ANO5: variants seen among roughly 807,000 people sequenced by gnomAD.
ANO5 encodes the protein anoctamin-5.
A neutral mutation model predicts 121.0 loss-of-function variants in ANO5; 109 were observed. The observed-to-expected ratio is 0.90, with a 90% CI of 0.77 to 1.06. The LOEUF is 1.06. Among genes scored for constraint, ANO5 ranks in the 50% least tolerant of loss-of-function variants. The pLI is 0.00. For synonymous variants in ANO5, 406 were observed against 359.9 expected (o/e 1.13, Z -1.45); for missense variants, 1,064 against 1,078.5 (o/e 0.99, Z 0.19).
At chr11:22,204,860 G>A (rs1352654582) in intron 2 of ANO5, among the ~76,000 whole-genome samples, 1 of 152,044 alleles carries the variant, frequency 6.6e-6, no homozygotes, top group Non-Finnish European at 1.5e-5. Context: ...ATGCCCAAAG[G>A]AATACAAATC....
chr11:22,273,778 CTG>C (rs909601228), intron 19 of ANO5, among the ~76,000 whole-genome samples: 4 of 151,864 alleles, frequency 2.6e-5, no homozygotes, highest in Non-Finnish European at 5.9e-5. Context: ...AAGTAAAACT[CTG>C]AAAAAAAGTA....
At chr11:22,228,196 T>C (rs944344168) in intron 7 of ANO5, among the ~76,000 whole-genome samples, 2 of 152,086 alleles carry the variant, frequency 1.3e-5, no homozygotes, top group Non-Finnish European at 2.9e-5. Context: ...ACTTCATAGG[T>C]TACCCAGATA....
chr11:22,223,414 C>T (rs1852721910), intron 5 of ANO5, among the ~76,000 whole-genome samples: 1 of 152,028 alleles, frequency 6.6e-6, no homozygotes, highest in Non-Finnish European at 1.5e-5. Flanking sequence ...ATCTATTGGG[C>T]AAGCCCATTA....
rs1231104054 is a variant in ANO5 at position 22,281,830 on chromosome 11, G to GA, written c.*2069dup. On this transcript the variant is annotated 3_prime_UTR_variant, in exon 22 of 22. Transcript: ENST00000324559. ...TATTGGGTTTCTGGAAGTGAATGGA[G>GA]AAAACAGCAAGGGAAGAAATCGTTT... 1.3e-5 allele frequency: 2 copies of GA among 152,042 alleles called. No individual in the cohort carries two copies. Among genetic ancestry groups the GA allele is most frequent in the African/African-American group, 2.4e-5 (1 of 41,436 alleles). The allele number at this position is 152,042 out of a possible 1,614,324, so 9.4% of individuals were successfully genotyped here.
rs1853768666 is a variant in ANO5 at position 22,250,381 on chromosome 11, C to T, written c.1013+10C>T. The T allele has an allele frequency of 6.2e-7, 1 of 1,613,250 alleles. No individual in the cohort carries two copies. The highest frequency in any genetic ancestry group is 8.5e-7 in the Non-Finnish European group (1 of 1,179,604). On this transcript the variant is annotated intron_variant, in intron 10 of 21. Coordinates refer to ENST00000324559, the MANE Select transcript of ANO5 (RefSeq NM_213599.3). Reference sequence around the variant, plus strand: ...AACATAACACAAGCAGGTAAGTGCACCTGAGTTGCCCAGATAGAGAAAACA... The same window carrying T: ...AACATAACACAAGCAGGTAAGTGCATCTGAGTTGCCCAGATAGAGAAAACA...
intron 4 of ANO5, 84 bp downstream of exon 4, chr11:22,218,371 T>C (rs1460071631): frequency 2.0e-6 from 3 of 1,531,560 alleles, no homozygotes; most frequent in Non-Finnish European, 2.7e-6. Flanking sequence ...ATGAATACTT[T>C]GATTTGGGGG....
chr11:22,214,888 TA>T (rs1183981287), intron 3 of ANO5, among the ~76,000 whole-genome samples: 1 of 151,982 alleles, frequency 6.6e-6, no homozygotes, highest in Non-Finnish European at 1.5e-5. Flanking sequence ...ACAGAAACTC[TA>T]TATCAATTAT....
At chr11:22,222,970 T>C (rs924038130) in intron 5 of ANO5, among the ~76,000 whole-genome samples, 3 of 152,042 alleles carry the variant, frequency 2.0e-5, no homozygotes, top group African/African-American at 7.2e-5. Context: ...TTCTGTTTCA[T>C]TGAGAAAACT....
Position 22,239,549 on chromosome 11 carries a change from C to T in ANO5, c.763-20C>T. 2 of 1,550,440 alleles carry T rather than the reference C, an allele frequency of 1.3e-6. No individual in the cohort carries two copies. Among genetic ancestry groups the T allele is most frequent in the Non-Finnish European group, 1.8e-6 (2 of 1,122,568 alleles). ...TCTTTTGCTTCGTCTTTTATGTACC[C>T]TCCTCTTGAATATCTGCAGGGCCAA... is the stretch of plus-strand genomic sequence containing the variant. On this transcript the variant is annotated intron_variant, in intron 8 of 21. Coordinates refer to ENST00000324559, the MANE Select transcript of ANO5 (RefSeq NM_213599.3).
Position 22,218,280 on chromosome 11 carries a change from G to A in ANO5, c.173G>A (p.Arg58Gln), listed in dbSNP as rs749698519. 30 of 1,613,274 alleles carry A rather than the reference G, an allele frequency of 1.9e-5. No individual in the cohort carries two copies. Among genetic ancestry groups the A allele is most frequent in the South Asian group, 1.5e-4 (14 of 91,062 alleles). ...CGATTCAATTTGTTCCTGAGGCGGC[G>A]GCTTATGGTAAAACCAGTGCTGAAT... ...AKRFNLFLRR[R>Q]LMFQKNQQSK... The change falls in exon 4 of 22, where the codon CGG (arginine) becomes CAG (glutamine). Residue 58 changes from arginine to glutamine, a missense_variant. Arg to Gln is a conservative substitution (Grantham distance 43). Transcript: ENST00000324559.
At chr11:22,235,384 T>C (rs1222756146) in intron 7 of ANO5, among the ~76,000 whole-genome samples, 1 of 151,588 alleles carries the variant, frequency 6.6e-6, no homozygotes, top group African/African-American at 2.4e-5. Flanking sequence ...TTTACCGAGA[T>C]GGAATATGGA....
chr11:22,195,729 G>A (rs909381441), intron 1 of ANO5, among the ~76,000 whole-genome samples: 2 of 152,114 alleles, frequency 1.3e-5, no homozygotes, highest in African/African-American at 4.8e-5. Context: ...ACAATGCCCA[G>A]TCACACTCCC....
chr11:22,247,663 G>A (rs923349091), intron 9 of ANO5, among the ~76,000 whole-genome samples: 3 of 152,120 alleles, frequency 2.0e-5, no homozygotes, highest in Non-Finnish European at 4.4e-5. Context: ...CATATTTCAT[G>A]TTACCTCTAT....
chr11:22,218,558 G>A (rs941134396), intron 4 of ANO5, among the ~76,000 whole-genome samples: 2 of 151,788 alleles, frequency 1.3e-5, no homozygotes, highest in African/African-American at 2.4e-5. Flanking sequence ...AGGAATGCAG[G>A]GTTTTATTTT....
At chr11:22,234,708 T>A (rs563111190) in intron 7 of ANO5, among the ~76,000 whole-genome samples, 33 of 152,304 alleles carry the variant, frequency 2.2e-4, no homozygotes, top group African/African-American at 7.9e-4. Flanking sequence ...CTAGTTCTTT[T>A]ACATCTATCC....
At chr11:22,225,190 GT>G (rs1411741449) in intron 5 of ANO5, among the ~76,000 whole-genome samples, 1 of 152,042 alleles carries the variant, frequency 6.6e-6, no homozygotes, top group African/African-American at 2.4e-5. Flanking sequence ...TGGGTGGGTG[GT>G]TCACACCTAT....
chr11:22,268,686 T>C (rs1318745020), intron 17 of ANO5, among the ~76,000 whole-genome samples: 1 of 152,206 alleles, frequency 6.6e-6, no homozygotes, highest in East Asian at 1.9e-4. Context: ...TTGTTCTTGA[T>C]TCTAAAGGAA....
chr11:22,261,994 CCTA>C (rs1854201971), intron 15 of ANO5, 132 bp from the exon 16 acceptor site: 1 of 748,166 alleles, frequency 1.3e-6, no homozygotes, highest in Admixed American at 2.5e-5. Context: ...TTAATATTGG[CCTA>C]CTATCGCCAG....
At chr11:22,247,638 A>G (rs1176364761) in intron 9 of ANO5, among the ~76,000 whole-genome samples, 1 of 152,184 alleles carries the variant, frequency 6.6e-6, no homozygotes, top group Non-Finnish European at 1.5e-5. Flanking sequence ...TAGGAATCTG[A>G]GTTCCTAGAT....
Sources: allele counts gnomAD v4.1 joint callset (sites outside exome capture counted in the v4.1 genomes callset), GRCh38; gene constraint gnomAD v4.1.1; transcripts MANE v1.5; gene names NCBI Gene and HGNC (gene_info 2026-07-23, HGNC 2026-07-21).